TNRC6B: variants seen among roughly 807,000 people sequenced by gnomAD.
The protein encoded by TNRC6B is trinucleotide repeat-containing gene 6B protein.
In TNRC6B, 52 loss-of-function variants were observed where a neutral mutation model predicts 203.6. The observed-to-expected ratio is 0.26, with a 90% CI of 0.20 to 0.32. TNRC6B has a LOEUF of 0.32. TNRC6B is among the 10% of genes least tolerant of loss of function. The probability of loss-of-function intolerance (pLI) is 1.00; values close to 1 mark genes in which losing one functional copy is unlikely to be tolerated. For synonymous variants in TNRC6B, 838 were observed against 845.7 expected (o/e 0.99, Z 0.16); for missense variants, 1,923 against 2,286.2 (o/e 0.84, Z 3.24).
In TNRC6B at chr22:40,327,107, G is replaced by C. The variant is rs1353563151; in HGVS notation, c.*3866G>C. On this transcript the variant is annotated 3_prime_UTR_variant, in exon 23 of 23. Transcript: ENST00000454349. ...CTTCTTTTAAACATTAAGCTTCCCA[G>C]TGGGAAGGAAACTCCAGCTCGACAG... is the stretch of plus-strand genomic sequence containing the variant. The C allele has an allele frequency of 6.5e-6, 1 of 152,958 alleles. No homozygotes were observed. Among genetic ancestry groups the C allele is most frequent in the African/African-American group, 2.4e-5 (1 of 41,438 alleles). The allele number at this position is 152,958 out of a possible 1,614,324, so 9.5% of individuals were successfully genotyped here. A position where few individuals can be genotyped will look rare whatever the true frequency, so the allele number is the denominator to read the frequency against.
chr22:40,171,413 G>A lies in TNRC6B; in HGVS notation c.113+15231G>A, dbSNP rs191215787. Among the ~76,000 whole-genome samples, 1,066 of 151,856 alleles carry A rather than the reference G, an allele frequency of 7.0e-3. 45 individuals are homozygous for A. Among genetic ancestry groups the A allele is most frequent in the Admixed American group, 0.058 (892 of 15,260 alleles). The stretch of plus-strand genomic sequence containing the variant: ...CCTGACCTTGTGATCCGCCTGCCTC[G>A]GCCTCCCAAAGTGCTGGGATTACAG... On this transcript the variant is annotated intron_variant, in intron 4 of 23. Transcript: ENST00000301923.
intron 4 of TNRC6B, among the ~76,000 whole-genome samples, chr22:40,163,878 A>C (rs1412164728): frequency 6.6e-6 from 1 of 152,094 alleles, no homozygotes; most frequent in Non-Finnish European, 1.5e-5. Flanking sequence ...GGGGAGGCTC[A>C]AGGCAGAAAA....
At chr22:40,273,349 C>A in intron 6 of TNRC6B, 76 bp from the exon 7 acceptor site, 2 of 1,320,734 alleles carry the variant, frequency 1.5e-6, no homozygotes, top group Non-Finnish European at 2.0e-6. Context: ...GTAAATGCTG[C>A]ATCTGCAAGG....
At chr22:40,131,694 A>T (rs527588659) in intron 3 of TNRC6B, among the ~76,000 whole-genome samples, 1 of 152,318 alleles carries the variant, frequency 6.6e-6, no homozygotes, top group South Asian at 2.1e-4. Context: ...GGCAGGAAGA[A>T]AGAATGTTAA....
intron 1 of TNRC6B, among the ~76,000 whole-genome samples, chr22:40,098,133 C>A (rs2068199985): frequency 6.6e-6 from 1 of 152,014 alleles, no homozygotes; most frequent in African/African-American, 2.4e-5. Context: ...TGCCTGTAAT[C>A]CCAGCACTTT....
intron 1 of TNRC6B, among the ~76,000 whole-genome samples, chr22:40,099,018 G>A (rs1040912187): frequency 4.6e-5 from 7 of 152,098 alleles, no homozygotes; most frequent in African/African-American, 1.7e-4. Context: ...TTGGGAGGCC[G>A]AGGCGGATGG....
rs758681855 is a variant in TNRC6B, at chr22:40,266,716, C to T, written c.2486C>T (p.Pro829Leu). ...QHQQQQPPQQ[P>L]PPPQPEASGS... is the part of the protein sequence containing the mutation. The stretch of plus-strand genomic sequence containing the variant: ...CAACAGCAGCAGCCCCCACAGCAGC[C>T]GCCGCCACCACAACCAGAGGCTTCT... The change falls in exon 5 of 23, where the codon CCG becomes CTG. Residue 829 changes from proline (P) to leucine (L), a missense_variant. Pro to Leu is a moderately conservative substitution (Grantham distance 98, BLOSUM62 -3). Around this residue, in one of 8 missense-constraint regions of TNRC6B, gnomAD observed 599 missense variants for 656.5 expected, o/e 0.91. Coordinates refer to ENST00000454349, the MANE Select transcript of TNRC6B (RefSeq NM_001162501.2). The T allele has an allele frequency of 9.9e-6, 16 of 1,613,848 alleles. No individual in the cohort carries two copies. The highest frequency in any genetic ancestry group is 8.0e-5 in the African/African-American group (6 of 74,912).
chr22:40,290,673 C>A (rs753926612), intron 12 of TNRC6B, among the ~76,000 whole-genome samples: 1 of 152,244 alleles, frequency 6.6e-6, no homozygotes, highest in African/African-American at 2.4e-5. Flanking sequence ...TCCCCCACCC[C>A]CCGACCCGCT....
chr22:40,085,848 CTGTTGTTGTTGTTGT>C (rs3044441), intron 1 of TNRC6B, among the ~76,000 whole-genome samples: 15 of 149,278 alleles, frequency 1.0e-4, no homozygotes, highest in South Asian at 4.3e-4. Context: ...TTTGTTGTTG[CTGTTGTTGTTGTTGT>C]TGTTGTTGTT....
At chr22:40,199,904 C>A (rs1241906632) in intron 1 of TNRC6B, among the ~76,000 whole-genome samples, 8 of 152,036 alleles carry the variant, frequency 5.3e-5, no homozygotes, top group Non-Finnish European at 5.9e-5. Flanking sequence ...TCAAACGATT[C>A]TCATGATGCC....
At chr22:40,267,550 T>TG (rs1569046172) in intron 5 of TNRC6B, among the ~76,000 whole-genome samples, 1 of 152,126 alleles carries the variant, frequency 6.6e-6, no homozygotes, top group African/African-American at 2.4e-5. Context: ...ACCTCTGGAA[T>TG]GGGAGTACTT....
intron 1 of TNRC6B, among the ~76,000 whole-genome samples, chr22:40,074,879 G>A (rs1178485677): frequency 6.6e-6 from 1 of 151,964 alleles, no homozygotes; most frequent in Admixed American, 6.6e-5. Flanking sequence ...GATTGCTTGA[G>A]CCTGGAAGGT....
At chr22:40,107,218 A>G (rs575755718) in intron 1 of TNRC6B, among the ~76,000 whole-genome samples, 4 of 152,168 alleles carry the variant, frequency 2.6e-5, no homozygotes, top group Non-Finnish European at 5.9e-5. Context: ...GCATTTTCCC[A>G]TATTATCTTC....
At chr22:40,221,356 G>A (rs2069705826) in intron 1 of TNRC6B, among the ~76,000 whole-genome samples, 1 of 152,204 alleles carries the variant, frequency 6.6e-6, no homozygotes, top group African/African-American at 2.4e-5. Context: ...TCAGGAACTA[G>A]ATAAATGCAG....
chr22:40,282,555 T>C (rs2070732154), intron 11 of TNRC6B, among the ~76,000 whole-genome samples: 1 of 152,208 alleles, frequency 6.6e-6, no homozygotes, highest in Non-Finnish European at 1.5e-5. Context: ...TTAATGGTGA[T>C]TGTAAATGTG....
At chr22:40,250,653 T>C (rs372850998) in intron 2 of TNRC6B, among the ~76,000 whole-genome samples, 55 of 152,300 alleles carry the variant, frequency 3.6e-4, no homozygotes, top group African/African-American at 1.1e-3. Context: ...CTCCATTCAA[T>C]AGATAATAGA....
chr22:40,181,540 A>G (rs528252142), intron 1 of TNRC6B, among the ~76,000 whole-genome samples: 1 of 152,346 alleles, frequency 6.6e-6, no homozygotes, highest in African/African-American at 2.4e-5. Context: ...CATTATTGGT[A>G]AACAGATCGT....
At chr22:40,164,743 C>T (rs1308460508) in intron 4 of TNRC6B, among the ~76,000 whole-genome samples, 8 of 126,224 alleles carry the variant, frequency 6.3e-5, no homozygotes, top group African/African-American at 3.1e-5. Flanking sequence ...GCCTGAGCAA[C>T]GAGTAAAATT....
At chr22:40,283,569 A>G (rs2146525819) in intron 11 of TNRC6B, among the ~76,000 whole-genome samples, 1 of 152,350 alleles carries the variant, frequency 6.6e-6, no homozygotes, top group African/African-American at 2.4e-5. Flanking sequence ...TGGGGCCAAG[A>G]AAATGAGCAG....
Sources: allele counts gnomAD v4.1 joint callset (sites outside exome capture counted in the v4.1 genomes callset), GRCh38; gene constraint gnomAD v4.1.1; regional missense constraint gnomAD v4.1.1; transcripts MANE v1.5; gene names NCBI Gene and HGNC (gene_info 2026-07-23, HGNC 2026-07-21).